The following LRRC37A2 variants were observed in gnomAD, a reference collection of about 807,000 sequenced individuals.
LRRC37A2 encodes leucine rich repeat containing 37 member A2.
LRRC37A2 carries 9 observed loss-of-function variants against 68.8 expected under a neutral mutation model. That is an observed-to-expected ratio of 0.13 (90% CI 0.08 to 0.23). LRRC37A2 has a LOEUF of 0.23. LRRC37A2 is among the 10% of genes least tolerant of loss of function. The pLI, the probability that LRRC37A2 is intolerant of heterozygous loss-of-function variation, is 1.00. For synonymous variants in LRRC37A2, 63 were observed against 367.6 expected (o/e 0.17, Z 9.48); for missense variants, 168 against 950.4 (o/e 0.18, Z 10.82).
At chr17:46,711,076 T>C in the LRRC37A2 span, 2 of 1,579,344 alleles carry the variant, frequency 1.3e-6, no homozygotes, top group Non-Finnish European at 1.7e-6. Context: ...TGCAGCAGAC[T>C]AAGAACAGTG....
At chr17:46,808,198 C>T in the LRRC37A2 span, among the ~76,000 whole-genome samples, 2 of 152,196 alleles carry the variant, frequency 1.3e-5, no homozygotes, top group Non-Finnish European at 2.9e-5. Flanking sequence ...CGCCCCTTAC[C>T]CATCCCAGGG....
At chr17:46,533,568 C>T (rs1202509705) in intron 6 of LRRC37A2, among the ~76,000 whole-genome samples, 1 of 125,328 alleles carries the variant, frequency 8.0e-6, no homozygotes, top group Admixed American at 7.7e-5. Context: ...GTGGCACAAT[C>T]TTTACTCGCC....
At chr17:46,502,453 C>A in the LRRC37A2 span, among the ~76,000 whole-genome samples, 1 of 150,902 alleles carries the variant, frequency 6.6e-6, no homozygotes, top group African/African-American at 2.5e-5. Flanking sequence ...AGGTACCCAC[C>A]ACCACGCCCT....
the LRRC37A2 span, chr17:46,713,137 G>C: frequency 4.6e-5 from 7 of 152,336 alleles, no homozygotes; most frequent in African/African-American, 1.7e-4. Flanking sequence ...TGTTCAGAAA[G>C]AGTTTTTTGT....
At chr17:46,932,513 A>G in the LRRC37A2 span, 3 of 580,278 alleles carry the variant, frequency 5.2e-6, no homozygotes, top group African/African-American at 3.7e-5. Context: ...TTCTGATCAG[A>G]TAGAGACAGA....
chr17:47,036,338 TAC>T, the LRRC37A2 span, among the ~76,000 whole-genome samples: 1 of 152,086 alleles, frequency 6.6e-6, no homozygotes, highest in African/African-American at 2.4e-5. Flanking sequence ...CAGCTAGTAA[TAC>T]TTCATTAAAT....
the LRRC37A2 span, among the ~76,000 whole-genome samples, chr17:46,908,538 T>C: frequency 6.6e-6 from 1 of 151,628 alleles, no homozygotes; most frequent in Non-Finnish European, 1.5e-5. Context: ...GGATGTTGAG[T>C]GGGGATTTTG....
the LRRC37A2 span, among the ~76,000 whole-genome samples, chr17:46,657,361 T>C: frequency 6.6e-6 from 1 of 152,066 alleles, no homozygotes; most frequent in Non-Finnish European, 1.5e-5. Context: ...ATATAAAAAA[T>C]ATAATGGTTT....
chr17:46,858,816 G>A, the LRRC37A2 span, among the ~76,000 whole-genome samples: 4 of 152,160 alleles, frequency 2.6e-5, no homozygotes, highest in South Asian at 2.1e-4. Context: ...ACAGGCATGC[G>A]CCATCACGCC....
the LRRC37A2 span, chr17:46,932,345 A>G: frequency 8.0e-6 from 7 of 873,364 alleles, no homozygotes; most frequent in Non-Finnish European, 1.3e-5. Flanking sequence ...AACTTTGTGC[A>G]TTGCCACAGA....
chr17:46,761,846 T>C, the LRRC37A2 span, among the ~76,000 whole-genome samples: 1 of 152,246 alleles, frequency 6.6e-6, no homozygotes, highest in Non-Finnish European at 1.5e-5. Context: ...AGGCATAACC[T>C]GTGAGCTTCC....
chr17:46,601,954 C>T, the LRRC37A2 span, among the ~76,000 whole-genome samples: 4 of 145,528 alleles, frequency 2.7e-5, no homozygotes, highest in Non-Finnish European at 5.9e-5. Flanking sequence ...GAGGCTGAGG[C>T]GGGTGGATCA....
chr17:46,558,383 T>G (rs1468925539), downstream of LRRC37A2, among the ~76,000 whole-genome samples: 5 of 106,966 alleles, frequency 4.7e-5, no homozygotes, highest in Non-Finnish European at 9.2e-5. Flanking sequence ...GGGGTTTTTT[T>G]TGTGTTTTGT....
chr17:46,983,014 G>A, the LRRC37A2 span, among the ~76,000 whole-genome samples: 17 of 152,282 alleles, frequency 1.1e-4, no homozygotes, highest in Middle Eastern at 6.8e-3. Context: ...GGCTTTCTCC[G>A]GTTTGTCCTG....
the LRRC37A2 span, among the ~76,000 whole-genome samples, chr17:46,583,646 T>C: frequency 1.4e-5 from 1 of 70,184 alleles, no homozygotes; most frequent in Admixed American, 1.5e-4. Context: ...AGAAGGAGAG[T>C]ATGGTCACAT....
chr17:46,688,265 C>CT, the LRRC37A2 span, among the ~76,000 whole-genome samples: 1 of 151,080 alleles, frequency 6.6e-6, no homozygotes, highest in Non-Finnish European at 1.5e-5. Context: ...AATCCTAGCA[C>CT]TTTGGGAAGC....
At chr17:46,810,004 CTTTTTT>C in the LRRC37A2 span, among the ~76,000 whole-genome samples, 2 of 126,390 alleles carry the variant, frequency 1.6e-5, no homozygotes, top group East Asian at 4.5e-4. Context: ...TTCTTTCTTT[CTTTTTT>C]TTTTTTTTTT....
the LRRC37A2 span, among the ~76,000 whole-genome samples, chr17:46,789,232 G>A: frequency 6.6e-6 from 1 of 152,160 alleles, no homozygotes; most frequent in Non-Finnish European, 1.5e-5. Context: ...ACACCTGATA[G>A]CACTGGCCAC....
chr17:46,685,011 TTTTG>T, the LRRC37A2 span, among the ~76,000 whole-genome samples: 2 of 96,798 alleles, frequency 2.1e-5, no homozygotes, highest in Non-Finnish European at 2.0e-5. Flanking sequence ...GGGTTTTTTG[TTTTG>T]TTTGTTTGCT....
Sources: allele counts gnomAD v4.1 joint callset (sites outside exome capture counted in the v4.1 genomes callset), GRCh38; gene constraint gnomAD v4.1.1; transcripts MANE v1.5; gene names NCBI Gene and HGNC (gene_info 2026-07-23, HGNC 2026-07-21).